Variants in OPCML observed in about 807,000 individuals in gnomAD.
OPCML encodes the protein opioid-binding protein/cell adhesion molecule.
Under a neutral mutation model 37.8 loss-of-function variants are expected in OPCML, and 13 were observed. The observed-to-expected ratio is 0.34, with a 90% CI of 0.22 to 0.55. OPCML has a LOEUF of 0.55. OPCML is among the 20% of genes least tolerant of loss of function. The pLI, the probability that OPCML is intolerant of heterozygous loss-of-function variation, is 0.91. For synonymous variants in OPCML, 176 were observed against 168.8 expected (o/e 1.04, Z -0.33); for missense variants, 341 against 435.6 (o/e 0.78, Z 1.93).
At chr11:132,790,681 G>C (rs1319638905) in intron 2 of OPCML, among the ~76,000 whole-genome samples, 1 of 152,202 alleles carries the variant, frequency 6.6e-6, no homozygotes, top group East Asian at 1.9e-4. Flanking sequence ...AACCCCGGAG[G>C]AAAGGGCCTG....
intron 7 of OPCML, among the ~76,000 whole-genome samples, chr11:132,422,575 G>A (rs542300016): frequency 1.3e-5 from 2 of 152,330 alleles, no homozygotes; most frequent in African/African-American, 4.8e-5. Flanking sequence ...CGTTCACACC[G>A]TGCTCTCCAC....
At chr11:133,210,763 A>T (rs962090932) in intron 1 of OPCML, among the ~76,000 whole-genome samples, 34 of 152,176 alleles carry the variant, frequency 2.2e-4, no homozygotes, top group Admixed American at 1.3e-4. Flanking sequence ...TAACTCAGAA[A>T]GACCAGGTCT....
chr11:133,345,270 G>C (rs1396810192), intron 1 of OPCML, among the ~76,000 whole-genome samples: 1 of 152,090 alleles, frequency 6.6e-6, no homozygotes, highest in Non-Finnish European at 1.5e-5. Context: ...GTGTTCAAAG[G>C]GTAGAAACAA....
chr11:133,058,261 C>G (rs75859271), intron 1 of OPCML, among the ~76,000 whole-genome samples: 2,445 of 152,196 alleles, frequency 0.016, 59 homozygotes, highest in African/African-American at 0.054. Flanking sequence ...AAGAAATCAC[C>G]GAGAGGTGAC....
At chr11:133,335,444 G>A (rs1436524720) in intron 1 of OPCML, among the ~76,000 whole-genome samples, 2 of 152,140 alleles carry the variant, frequency 1.3e-5, no homozygotes, top group Admixed American at 6.5e-5. Context: ...CCTGGACTGC[G>A]TCACCCCTGG....
intron 2 of OPCML, among the ~76,000 whole-genome samples, chr11:132,713,363 A>G (rs897042657): frequency 6.6e-6 from 1 of 152,184 alleles, no homozygotes; most frequent in Non-Finnish European, 1.5e-5. Flanking sequence ...GTAAGGAATC[A>G]TTCTGTTTAT....
At chr11:133,245,532 G>A (rs1425071591) in intron 1 of OPCML, among the ~76,000 whole-genome samples, 1 of 152,154 alleles carries the variant, frequency 6.6e-6, no homozygotes, top group African/African-American at 2.4e-5. Flanking sequence ...TCCCAGGAGA[G>A]AACAAGAATC....
intron 4 of OPCML, among the ~76,000 whole-genome samples, chr11:132,515,289 G>A (rs998053211): frequency 2.6e-5 from 4 of 152,132 alleles, no homozygotes; most frequent in African/African-American, 9.7e-5. Context: ...ATAACACAAG[G>A]AAGGGGACAG....
At chr11:133,489,127 GAAGA>G (rs1197926323) in intron 1 of OPCML, among the ~76,000 whole-genome samples, 1 of 151,960 alleles carries the variant, frequency 6.6e-6, no homozygotes, top group Non-Finnish European at 1.5e-5. Context: ...AAAAATCCTA[GAAGA>G]AAGCCTAAGA....
chr11:133,214,537 A>G (rs1939506259), intron 1 of OPCML, among the ~76,000 whole-genome samples: 1 of 152,152 alleles, frequency 6.6e-6, no homozygotes, highest in African/African-American at 2.4e-5. Context: ...TCTTTCCATA[A>G]TTTTTCAGAC....
intron 4 of OPCML, among the ~76,000 whole-genome samples, chr11:132,443,532 A>G (rs915409217): frequency 1.3e-5 from 2 of 152,256 alleles, no homozygotes; most frequent in Non-Finnish European, 2.9e-5. Flanking sequence ...GACCAAGTGC[A>G]TGCCTCTGGC....
At chr11:133,228,016 G>C (rs1447468715) in intron 1 of OPCML, among the ~76,000 whole-genome samples, 1 of 152,188 alleles carries the variant, frequency 6.6e-6, no homozygotes, top group Admixed American at 6.5e-5. Flanking sequence ...TGAGAGCTGG[G>C]GCTGGGTTGA....
chr11:133,023,820 C>T (rs559285728), intron 1 of OPCML, among the ~76,000 whole-genome samples: 29 of 152,286 alleles, frequency 1.9e-4, no homozygotes, highest in African/African-American at 6.0e-4. Flanking sequence ...ACGAGGCTGA[C>T]TCATAGTGAT....
chr11:133,235,528 G>A (rs1012312340), intron 1 of OPCML, among the ~76,000 whole-genome samples: 5 of 152,156 alleles, frequency 3.3e-5, no homozygotes, highest in Admixed American at 2.6e-4. Context: ...ACAGCAAAAC[G>A]AGGAATGCTT....
intron 1 of OPCML, among the ~76,000 whole-genome samples, chr11:132,976,208 G>A (rs1387628949): frequency 2.6e-5 from 4 of 152,122 alleles, no homozygotes; most frequent in Non-Finnish European, 4.4e-5. Flanking sequence ...ATTTCCAGAA[G>A]ATTTGTCTGT....
At chr11:132,496,123 T>C (rs2096230470) in intron 4 of OPCML, among the ~76,000 whole-genome samples, 1 of 152,114 alleles carries the variant, frequency 6.6e-6, no homozygotes, top group South Asian at 2.1e-4. Flanking sequence ...TTCCCCCCAC[T>C]GCAGTCCTGG....
intron 3 of OPCML, among the ~76,000 whole-genome samples, chr11:132,541,887 G>A (rs1307801893): frequency 1.3e-5 from 2 of 152,198 alleles, no homozygotes; most frequent in African/African-American, 4.8e-5. Context: ...ATGGGTAGAA[G>A]AGAAGTCTTG....
rs1357167291 is a variant in OPCML, at chr11:133,400,644, AAAATGT to A, written c.61+131614_61+131619del. 2.2e-4 allele frequency among the ~76,000 whole-genome samples: 33 copies of A among 152,254 alleles called. 1 individual carries two copies. The highest frequency in any genetic ancestry group is 2.2e-3 in the Admixed American group (33 of 15,290). On this transcript the variant is annotated intron_variant, in intron 1 of 7. Transcript: ENST00000524381. ...ACCACAATAATAAATTTAAAATTAA[AAAATGT>A]AAATGTAGATAGGCAATATTCTAAA...
chr11:133,145,345 G>A (rs184366656), intron 1 of OPCML, among the ~76,000 whole-genome samples: 1 of 152,196 alleles, frequency 6.6e-6, no homozygotes, highest in Admixed American at 6.5e-5. Context: ...AATGTTGACT[G>A]GCAATTATAG....
Sources: gnomAD v4.1 joint callset for allele counts (sites outside exome capture counted in the v4.1 genomes callset) on GRCh38, gnomAD v4.1.1 for gene constraint, MANE v1.5 for transcripts, NCBI Gene and HGNC (gene_info 2026-07-23, HGNC 2026-07-21) for gene names.